PIAS2: variants seen among roughly 807,000 people sequenced by gnomAD.
The protein encoded by PIAS2 is E3 SUMO-protein ligase PIAS2.
PIAS2 carries 19 observed loss-of-function variants against 69.7 expected under a neutral mutation model. The ratio of observed to expected loss-of-function variants is 0.27; its 90% CI spans 0.19 to 0.40. The LOEUF (loss-of-function observed/expected upper bound fraction) is 0.40, where lower values mean the gene tolerates loss of function less well. Among genes scored for constraint, PIAS2 ranks in the 10% least tolerant of loss-of-function variants. The pLI, the probability that PIAS2 is intolerant of heterozygous loss-of-function variation, is 1.00. For synonymous variants in PIAS2, 261 were observed against 263.2 expected, an observed-to-expected ratio of 0.99 and a Z score of 0.08; for missense variants, 624 against 757.0, an observed-to-expected ratio of 0.82 and a Z score of 2.06.
chr18:46,886,084 G>A (rs977541462), intron 2 of PIAS2, among the ~76,000 whole-genome samples: 3 of 152,148 alleles, frequency 2.0e-5, no homozygotes, highest in Admixed American at 1.3e-4. Context: ...GTACCACTGA[G>A]CAAAAGCCTA....
intron 5 of PIAS2, among the ~76,000 whole-genome samples, chr18:46,847,482 ATTT>A (rs536478394): frequency 7.2e-6 from 1 of 138,458 alleles, no homozygotes. Context: ...CATCAACCGT[ATTT>A]TTTTTTTTTT....
chr18:46,840,513 G>A (rs1052427219), intron 8 of PIAS2, among the ~76,000 whole-genome samples: 3 of 152,112 alleles, frequency 2.0e-5, no homozygotes, highest in Non-Finnish European at 4.4e-5. Flanking sequence ...TGTTTTTGTC[G>A]TTTTCTTCTA....
At chr18:46,831,619 A>G (rs2043632192) in intron 9 of PIAS2, among the ~76,000 whole-genome samples, 1 of 152,238 alleles carries the variant, frequency 6.6e-6, no homozygotes, top group South Asian at 2.1e-4. Flanking sequence ...ACATAACTAC[A>G]GACAAATAAA....
chr18:46,862,361 A>G (rs996055110), intron 3 of PIAS2, among the ~76,000 whole-genome samples: 3 of 152,224 alleles, frequency 2.0e-5, no homozygotes, highest in African/African-American at 7.2e-5. Flanking sequence ...AATTAAGTAC[A>G]GAATTTCCCA....
intron 2 of PIAS2, among the ~76,000 whole-genome samples, chr18:46,888,963 G>T (rs2053639846): frequency 6.6e-6 from 1 of 152,144 alleles, no homozygotes; most frequent in South Asian, 2.1e-4. Context: ...TTTGACAAGG[G>T]TGCTAAGATC....
chr18:46,881,884 G>C (rs907786810), intron 2 of PIAS2, among the ~76,000 whole-genome samples: 1 of 152,168 alleles, frequency 6.6e-6, no homozygotes, highest in African/African-American at 2.4e-5. Flanking sequence ...AGATCACGAG[G>C]TCAAGAGTTC....
chr18:46,899,922 AAGAC>A (rs2055533487), intron 1 of PIAS2, among the ~76,000 whole-genome samples: 1 of 152,208 alleles, frequency 6.6e-6, no homozygotes, highest in East Asian at 1.9e-4. Context: ...ATATAAAAAT[AAGAC>A]AGAATGAAAA....
At chr18:46,824,658 T>C (rs1599386570) in intron 11 of PIAS2, among the ~76,000 whole-genome samples, 2 of 152,052 alleles carry the variant, frequency 1.3e-5, no homozygotes, top group East Asian at 1.9e-4. Context: ...CTTTGTAAAA[T>C]TGTTTATAAG....
At chr18:46,855,721 T>C in intron 3 of PIAS2, 106 bp from the exon 4 acceptor site, 1 of 838,104 alleles carries the variant, frequency 1.2e-6, no homozygotes, top group African/African-American at 1.7e-5. Context: ...TTTTTCTTAT[T>C]CCCTGAAAGG....
chr18:46,903,860 C>T (rs561251773), intron 1 of PIAS2, among the ~76,000 whole-genome samples: 19 of 152,234 alleles, frequency 1.2e-4, no homozygotes, highest in Admixed American at 4.6e-4. Flanking sequence ...ATAGTGAATT[C>T]ATATCGTGGA....
chr18:46,876,132 G>A (rs2051149258), intron 2 of PIAS2, among the ~76,000 whole-genome samples: 1 of 152,166 alleles, frequency 6.6e-6, no homozygotes, highest in Non-Finnish European at 1.5e-5. Flanking sequence ...GACCATCACT[G>A]GACACTCTGC....
rs1568307753 is a variant in PIAS2, at chr18:46,805,285, T to TGCAC, written c.*7147_*7148insGTGC. 6.6e-6 allele frequency: 1 copy of TGCAC among 152,178 alleles called. No individual in the cohort carries two copies. Among genetic ancestry groups the TGCAC allele is most frequent in the Non-Finnish European group, 1.5e-5 (1 of 68,042 alleles). 9.4% of individuals were successfully genotyped at this position (152,178 alleles called of 1,614,324 possible). A position where few individuals can be genotyped will look rare whatever the true frequency, so the allele number is the denominator to read the frequency against. ...GTAGCAAAGAGGAAAACAGAAAGCG[T>TGCAC]GGTTCAGTAGACGAAAATGCTGGAG... On this transcript the variant is annotated 3_prime_UTR_variant, in exon 14 of 14. Transcript: ENST00000585916.
At chr18:46,883,263 C>A (rs2052590976) in intron 2 of PIAS2, among the ~76,000 whole-genome samples, 1 of 152,046 alleles carries the variant, frequency 6.6e-6, no homozygotes, top group Admixed American at 6.6e-5. Context: ...CTTTTGTAAT[C>A]TGAAAAGAAC....
intron 9 of PIAS2, among the ~76,000 whole-genome samples, chr18:46,830,586 T>C (rs946846961): frequency 2.6e-5 from 4 of 151,226 alleles, no homozygotes; most frequent in Non-Finnish European, 5.9e-5. Context: ...CAAATTATAG[T>C]AAAAGCAAGA....
intron 1 of PIAS2, among the ~76,000 whole-genome samples, chr18:46,908,934 T>C (rs1008773524): frequency 6.6e-6 from 1 of 151,976 alleles, no homozygotes; most frequent in Non-Finnish European, 1.5e-5. Context: ...TCTTGAACCT[T>C]GGGGGTGGAG....
intron 1 of PIAS2, among the ~76,000 whole-genome samples, chr18:46,914,786 C>G (rs532973620): frequency 6.6e-6 from 1 of 152,050 alleles, no homozygotes; most frequent in African/African-American, 2.4e-5. Context: ...GCATCCAGAT[C>G]GGCTGACCAA....
At chr18:46,818,712 A>G (rs1599310157) in intron 12 of PIAS2, among the ~76,000 whole-genome samples, 1 of 152,240 alleles carries the variant, frequency 6.6e-6, no homozygotes, top group East Asian at 1.9e-4. Flanking sequence ...ACTGCTACAT[A>G]ATTCATACAT....
intron 1 of PIAS2, among the ~76,000 whole-genome samples, chr18:46,911,981 G>C (rs1297735250): frequency 6.6e-6 from 1 of 152,168 alleles, no homozygotes; most frequent in Non-Finnish European, 1.5e-5. Context: ...AACCCAGGAG[G>C]CGGAGGTTGC....
chr18:46,887,405 T>C (rs4890341), intron 2 of PIAS2, among the ~76,000 whole-genome samples: 80,228 of 152,010 alleles, frequency 0.53, 21,420 homozygotes, highest in Middle Eastern at 0.56. Context: ...CACACTGATA[T>C]GTTTAAGTGT....
Sources: allele counts gnomAD v4.1 joint callset (sites outside exome capture counted in the v4.1 genomes callset), GRCh38; gene constraint gnomAD v4.1.1; transcripts MANE v1.5; gene names NCBI Gene and HGNC (gene_info 2026-07-23, HGNC 2026-07-21).